PLEKHH2: variants seen among roughly 807,000 people sequenced by gnomAD.
The protein encoded by PLEKHH2 is pleckstrin homology domain-containing family H member 2.
Under a neutral mutation model 187.9 loss-of-function variants are expected in PLEKHH2, and 129 were observed. The ratio of observed to expected loss-of-function variants is 0.69; its 90% CI spans 0.59 to 0.79. The LOEUF is 0.79. PLEKHH2 is among the 30% of genes least tolerant of loss of function. The pLI, the probability that PLEKHH2 is intolerant of heterozygous loss-of-function variation, is 0.00. For synonymous variants in PLEKHH2, 686 were observed against 605.6 expected, an observed-to-expected ratio of 1.13 and a Z score of -1.95; for missense variants, 2,076 against 1,751.2, an observed-to-expected ratio of 1.19 and a Z score of -3.31.
At chr2:43,660,624 C>A (rs1667025175) in intron 2 of PLEKHH2, among the ~76,000 whole-genome samples, 2 of 121,404 alleles carry the variant, frequency 1.6e-5, no homozygotes, top group Non-Finnish European at 3.4e-5. Context: ...CCCCCCTCCC[C>A]CCACCCCACC....
intron 29 of PLEKHH2, 95 bp downstream of exon 29, chr2:43,764,460 T>G: frequency 7.6e-7 from 1 of 1,308,416 alleles, no homozygotes. Flanking sequence ...GTTTTCATAT[T>G]AAAACATTTA....
At chr2:43,656,274 T>C (rs1666754069) in intron 2 of PLEKHH2, among the ~76,000 whole-genome samples, 1 of 152,140 alleles carries the variant, frequency 6.6e-6, no homozygotes, top group African/African-American at 2.4e-5. Flanking sequence ...ACAATTTAAA[T>C]GGGCATTTTT....
chr2:43,752,510 A>G (rs1284788857), intron 24 of PLEKHH2, among the ~76,000 whole-genome samples: 1 of 152,122 alleles, frequency 6.6e-6, no homozygotes, highest in Non-Finnish European at 1.5e-5. Flanking sequence ...ACTGGGAGAG[A>G]TACTGTAAAT....
At chr2:43,688,436 G>A (rs1421395899) in intron 3 of PLEKHH2, among the ~76,000 whole-genome samples, 1 of 152,204 alleles carries the variant, frequency 6.6e-6, no homozygotes, top group Non-Finnish European at 1.5e-5. Context: ...TATAGAAATA[G>A]AAACTTGCAA....
chr2:43,764,245 T>C lies in PLEKHH2; in HGVS notation c.4176T>C (p.Tyr1392=), dbSNP rs34587045. 2.7e-4 allele frequency: 412 copies of C among 1,517,786 alleles called. 1 individual carries two copies. The African/African-American group carries it at 5.3e-3, about 20-fold the overall frequency. 94.0% of individuals were successfully genotyped at this position (1,517,786 alleles called of 1,614,324 possible). A position where few individuals can be genotyped will look rare whatever the true frequency, so the allele number is the denominator to read the frequency against. The part of the protein sequence containing the change: ...EYNSMRLIVS[Y]VYKSLMTFGG... ...CTTTAAAGAGGTTAATAGTCAGCTA[T>C]GTGTACAAGAGTCTAATGACCTTTG... Residue 1392 remains tyrosine, a synonymous_variant, in exon 29 of 30, where the codon TAT becomes TAC. Transcript: ENST00000282406.
At chr2:43,703,293 C>T (rs574433374) in intron 8 of PLEKHH2, among the ~76,000 whole-genome samples, 99 of 152,292 alleles carry the variant, frequency 6.5e-4, no homozygotes, top group Non-Finnish European at 1.1e-3. Context: ...GGCTAGTAAC[C>T]TGTCCAGTAC....
intron 19 of PLEKHH2, among the ~76,000 whole-genome samples, chr2:43,736,688 G>A (rs758203540): frequency 4.6e-5 from 7 of 152,108 alleles, no homozygotes; most frequent in Non-Finnish European, 5.9e-5. Flanking sequence ...AAAAAAATTA[G>A]CGAGTTGTGG....
At chr2:43,641,936 T>C (rs1484070591) in intron 1 of PLEKHH2, among the ~76,000 whole-genome samples, 2 of 152,218 alleles carry the variant, frequency 1.3e-5, no homozygotes, top group Non-Finnish European at 2.9e-5. Context: ...CCTCCAACTT[T>C]TCAATTTTAT....
intron 2 of PLEKHH2, among the ~76,000 whole-genome samples, chr2:43,647,583 C>A (rs932708413): frequency 2.6e-5 from 4 of 152,046 alleles, no homozygotes; most frequent in Non-Finnish European, 5.9e-5. Flanking sequence ...GTAGTAATAA[C>A]GATTTACCTA....
chr2:43,755,777 C>T (rs1352399446), intron 25 of PLEKHH2, among the ~76,000 whole-genome samples: 1 of 152,182 alleles, frequency 6.6e-6, no homozygotes, highest in Non-Finnish European at 1.5e-5. Context: ...GAGCACCTTA[C>T]ACGTGGTCTC....
intron 2 of PLEKHH2, chr2:43,658,835 G>T (rs1666918682): frequency 6.6e-6 from 1 of 152,186 alleles, no homozygotes; most frequent in East Asian, 1.9e-4. Context: ...TGTTGTGAAG[G>T]AAGCAACTAC....
chr2:43,715,680 G>A (rs1670178773), intron 15 of PLEKHH2, among the ~76,000 whole-genome samples: 1 of 152,174 alleles, frequency 6.6e-6, no homozygotes, highest in Non-Finnish European at 1.5e-5. Context: ...AGATAAAGAT[G>A]CCTGGTAGAA....
chr2:43,686,917 C>A (rs1047324452), intron 3 of PLEKHH2, among the ~76,000 whole-genome samples: 9 of 152,010 alleles, frequency 5.9e-5, no homozygotes, highest in Admixed American at 1.3e-4. Context: ...TGCAAAGATC[C>A]GTGTGTCCCT....
intron 15 of PLEKHH2, among the ~76,000 whole-genome samples, chr2:43,718,721 G>C (rs1384563680): frequency 1.3e-5 from 2 of 152,034 alleles, no homozygotes; most frequent in Non-Finnish European, 2.9e-5. Flanking sequence ...TTATACTTCA[G>C]TTTTTATGAG....
intron 3 of PLEKHH2, among the ~76,000 whole-genome samples, chr2:43,686,673 T>A (rs770876524): frequency 2.6e-5 from 4 of 152,238 alleles, no homozygotes; most frequent in African/African-American, 9.6e-5. Context: ...TCCTACTTTA[T>A]AATCATGGAG....
intron 25 of PLEKHH2, among the ~76,000 whole-genome samples, chr2:43,754,507 A>C (rs1293170007): frequency 6.6e-6 from 1 of 152,188 alleles, no homozygotes; most frequent in African/African-American, 2.4e-5. Flanking sequence ...ATTTAGTCAC[A>C]TGGCCTTGCC....
intron 3 of PLEKHH2, among the ~76,000 whole-genome samples, chr2:43,683,746 C>T: frequency 6.6e-6 from 1 of 151,936 alleles, no homozygotes; most frequent in East Asian, 1.9e-4. Context: ...TTGTTGACCT[C>T]CACCAGGAGG....
intron 3 of PLEKHH2, among the ~76,000 whole-genome samples, chr2:43,683,273 G>A (rs564101185): frequency 1.3e-5 from 2 of 150,388 alleles, no homozygotes; most frequent in East Asian, 3.9e-4. Flanking sequence ...AGCCTCCCGA[G>A]TAGCTGGGAT....
chr2:43,702,286 T>C (rs1046486452), intron 8 of PLEKHH2, among the ~76,000 whole-genome samples: 3 of 152,200 alleles, frequency 2.0e-5, no homozygotes, highest in Non-Finnish European at 4.4e-5. Flanking sequence ...ATGTATGTGC[T>C]CTTATTTGCT....
Sources: gnomAD v4.1 joint callset for allele counts (sites outside exome capture counted in the v4.1 genomes callset) on GRCh38, gnomAD v4.1.1 for gene constraint, MANE v1.5 for transcripts, NCBI Gene and HGNC (gene_info 2026-07-23, HGNC 2026-07-21) for gene names.